RPH3AL: variants seen among roughly 807,000 people sequenced by gnomAD.
The protein encoded by RPH3AL is rab effector Noc2.
In RPH3AL, 38 loss-of-function variants were observed where a neutral mutation model predicts 43.1. The observed-to-expected ratio is 0.88, with a 90% CI of 0.68 to 1.15. The LOEUF is 1.15. RPH3AL is among the 50% of genes most tolerant of loss of function. The probability of loss-of-function intolerance (pLI) is 0.00; values close to 1 mark genes in which losing one functional copy is unlikely to be tolerated. For synonymous variants in RPH3AL, 189 were observed against 176.3 expected (o/e 1.07, Z -0.57); for missense variants, 462 against 423.2 (o/e 1.09, Z -0.81).
At chr17:301,805 G>A (rs141868060) in intron 5 of RPH3AL, among the ~76,000 whole-genome samples, 53 of 152,292 alleles carry the variant, frequency 3.5e-4, no homozygotes, top group African/African-American at 1.1e-3. Flanking sequence ...GACCCGAGCC[G>A]TAGGAGTCAT....
At chr17:269,038 C>T (rs2042394830) in intron 6 of RPH3AL, among the ~76,000 whole-genome samples, 1 of 152,158 alleles carries the variant, frequency 6.6e-6, no homozygotes, top group South Asian at 2.1e-4. Context: ...GCCACCACGC[C>T]TGGCTAATTT....
rs535611900 is a variant in RPH3AL at position 290,064 on chromosome 17, C to T, written c.352-8210G>A. ...GGCACAGTGACTATTTGCAGAAGAA[C>T]GGATTGAACAAATGGAAGCTACTTA... On this transcript the variant is annotated intron_variant, in intron 5 of 9. Transcript: ENST00000331302. The surrounding 1 kb of genome is among the most constrained non-coding windows in gnomAD (Gnocchi z 4.2). Among the ~76,000 whole-genome samples the T allele has an allele frequency of 4.6e-5, 7 of 152,274 alleles. No individual in the cohort carries two copies. The highest frequency in any genetic ancestry group is 3.9e-4 in the East Asian group (2 of 5,176).
At chr17:320,769 T>C (rs1182677017) in intron 4 of RPH3AL, among the ~76,000 whole-genome samples, 1 of 152,238 alleles carries the variant, frequency 6.6e-6, no homozygotes, top group African/African-American at 2.4e-5. Context: ...TTCTAGGAAA[T>C]ATGAATTGCT....
intron 5 of RPH3AL, among the ~76,000 whole-genome samples, chr17:308,652 G>A (rs1036009552): frequency 2.0e-5 from 3 of 152,220 alleles, no homozygotes; most frequent in Admixed American, 1.3e-4. Flanking sequence ...GCTACATCAT[G>A]GATGAACCTT....
intron 7 of RPH3AL, among the ~76,000 whole-genome samples, chr17:236,549 G>A (rs1388930091): frequency 2.0e-5 from 3 of 152,230 alleles, no homozygotes; most frequent in African/African-American, 4.8e-5. Flanking sequence ...TCCTGAGAGC[G>A]GGGTGGGGGT....
intron 6 of RPH3AL, among the ~76,000 whole-genome samples, chr17:280,578 C>G (rs66839042): frequency 7.2e-5 from 11 of 152,094 alleles, no homozygotes; most frequent in African/African-American, 2.7e-4. Context: ...CAGAGAGAAA[C>G]GGACTATTAT....
intron 5 of RPH3AL, among the ~76,000 whole-genome samples, chr17:316,042 A>G (rs565963147): frequency 6.8e-6 from 1 of 146,652 alleles, no homozygotes; most frequent in African/African-American, 2.6e-5. Flanking sequence ...ATTGACCTGT[A>G]GTCCCTGTGA....
At chr17:241,368 C>T (rs1031911216) in intron 7 of RPH3AL, among the ~76,000 whole-genome samples, 11 of 152,238 alleles carry the variant, frequency 7.2e-5, no homozygotes, top group African/African-American at 2.6e-4. Context: ...GGCACTCCAT[C>T]CTGGGTGACA....
intron 5 of RPH3AL, among the ~76,000 whole-genome samples, chr17:284,387 G>A (rs2042855563): frequency 6.6e-6 from 1 of 152,168 alleles, no homozygotes; most frequent in Non-Finnish European, 1.5e-5. Flanking sequence ...TGCCAGGCTG[G>A]TGCGCACGGC....
At position 347,252 on chromosome 17, in the gene RPH3AL, C is replaced by T. The variant is rs963786868; in HGVS notation, c.-213+5460G>A. Among the ~76,000 whole-genome samples, 4 of 79,686 alleles carry T rather than the reference C, an allele frequency of 5.0e-5. 1 individual carries two copies. The highest frequency in any genetic ancestry group is 6.8e-5 in the African/African-American group (2 of 29,426). The allele number at this position is 79,686 out of a possible 152,430, so 52.3% of individuals were successfully genotyped here. On this transcript the variant is annotated intron_variant, in intron 1 of 9. Transcript: ENST00000331302. ...CAGCCTAGGCAACAGAGCGAGACTC[C>T]GTCCCAGATTTTAAAAAAATAAATA...
At chr17:263,158 CAAGG>C (rs2151574797) in intron 6 of RPH3AL, among the ~76,000 whole-genome samples, 1 of 152,256 alleles carries the variant, frequency 6.6e-6, no homozygotes, top group African/African-American at 2.4e-5. Flanking sequence ...ACCATCTAGA[CAAGG>C]AGGGAGGTGG....
rs1453170084 is a variant in RPH3AL, at chr17:215,722, C to T, written c.808G>A (p.Gly270Ser). 1 of 1,301,318 alleles carries T rather than the reference C, an allele frequency of 7.7e-7. No individual in the cohort carries two copies. Among genetic ancestry groups the T allele is most frequent in the Non-Finnish European group, 9.8e-7 (1 of 1,021,286 alleles). The allele number at this position is 1,301,318 out of a possible 1,614,324, so 80.6% of individuals were successfully genotyped here. A position where few individuals can be genotyped will look rare whatever the true frequency, so the allele number is the denominator to read the frequency against. The change falls in exon 9 of 10, where the codon GGT (glycine) becomes AGT (serine). Residue 270 changes from glycine (G) to serine (S), a missense_variant. By Grantham distance (56) the Gly-to-Ser change is moderately conservative. Transcript: ENST00000331302. This position sits in a 1 kb window ranked among gnomAD's most constrained non-coding sequence, Gnocchi z 4.1. ...LSGCQSSLAS[G>S]ETGTGSADPP... ...TCAGCAGAGCCTGTCCCCGTCTCACCACTGGCCAGGCTGCTCTGGCACCCA... is the reference window on the plus strand; with the variant it reads ...TCAGCAGAGCCTGTCCCCGTCTCACTACTGGCCAGGCTGCTCTGGCACCCA...
intron 5 of RPH3AL, among the ~76,000 whole-genome samples, chr17:307,219 A>G (rs368403900): frequency 6.8e-4 from 41 of 60,052 alleles, no homozygotes; most frequent in African/African-American, 2.1e-3. Context: ...GGTCCATCCC[A>G]CGGCAGGTCC....
intron 7 of RPH3AL, among the ~76,000 whole-genome samples, chr17:243,389 C>CT (rs1397041763): frequency 1.2e-5 from 1 of 82,226 alleles, no homozygotes; most frequent in African/African-American, 4.0e-5. Flanking sequence ...CTATTGATTA[C>CT]CTTCCTCTAT....
intron 7 of RPH3AL, among the ~76,000 whole-genome samples, chr17:244,730 C>T (rs1394994497): frequency 1.3e-5 from 2 of 152,178 alleles, no homozygotes; most frequent in Non-Finnish European, 2.9e-5. Context: ...CCTCCTCGCC[C>T]ATGAAATTAA....
At chr17:317,708 A>G (rs1035578110) in intron 5 of RPH3AL, among the ~76,000 whole-genome samples, 4 of 152,246 alleles carry the variant, frequency 2.6e-5, no homozygotes, top group African/African-American at 9.6e-5. Flanking sequence ...GCAGGAAAAG[A>G]AATGAGGTAG....
intron 6 of RPH3AL, among the ~76,000 whole-genome samples, chr17:267,699 T>C (rs2042355861): frequency 6.6e-6 from 1 of 152,222 alleles, no homozygotes; most frequent in East Asian, 1.9e-4. Flanking sequence ...CCTCTAGTTC[T>C]GAAGTCCCAT....
At chr17:216,395 A>G (rs1299407716) in intron 8 of RPH3AL, among the ~76,000 whole-genome samples, 1 of 127,044 alleles carries the variant, frequency 7.9e-6, no homozygotes, top group Non-Finnish European at 1.6e-5. Flanking sequence ...TGGGGGATAT[A>G]TATTTTGGTT....
chr17:279,601 A>T (rs999230050), intron 6 of RPH3AL, among the ~76,000 whole-genome samples: 2 of 152,166 alleles, frequency 1.3e-5, no homozygotes, highest in Non-Finnish European at 2.9e-5. Context: ...GAAACCCTCA[A>T]CTAAATTATT....
Sources: allele counts gnomAD v4.1 joint callset (sites outside exome capture counted in the v4.1 genomes callset), GRCh38; gene constraint gnomAD v4.1.1; non-coding constraint Gnocchi (gnomAD v3.1); transcripts MANE v1.5; gene names NCBI Gene and HGNC (gene_info 2026-07-23, HGNC 2026-07-21).